The following CLK4 variants were observed in gnomAD, a reference collection of about 807,000 sequenced individuals.
The protein encoded by CLK4 is CDC like kinase 4, also known as dual specificity protein kinase CLK4.
Under a neutral mutation model 64.4 loss-of-function variants are expected in CLK4, and 37 were observed. The ratio of observed to expected loss-of-function variants is 0.57; its 90% confidence interval spans 0.44 to 0.76. The LOEUF is 0.76. CLK4 is among the 30% of genes least tolerant of loss of function. The pLI is 0.00. For synonymous variants in CLK4, 175 were observed against 191.6 expected (o/e 0.91, Z 0.72); for missense variants, 457 against 605.1 (o/e 0.76, Z 2.57).
In CLK4 at chr5:178,617,078, C is replaced by A; in HGVS notation, c.476-130G>T. On this transcript the variant is annotated intron_variant, in intron 4 of 12. Coordinates refer to ENST00000316308, the MANE Select transcript of CLK4 (RefSeq NM_020666.3). This position sits in a 1 kb window ranked among gnomAD's most constrained non-coding sequence, Gnocchi z 5.2. The stretch of plus-strand genomic sequence containing the variant: ...AAAGCATAACTAAGGTTTCAGCACT[C>A]AAATTATTTTAGTTTCAGCTGCTAC... 1.4e-6 allele frequency: 1 copy of A among 705,086 alleles called. No homozygotes were observed. The highest frequency in any genetic ancestry group is 1.8e-5 in the South Asian group (1 of 54,590). 43.7% of individuals were successfully genotyped at this position (705,086 alleles called of 1,614,324 possible).
At chr5:178,625,710 CAAAT>C (rs1764769712) in intron 1 of CLK4, among the ~76,000 whole-genome samples, 1 of 152,182 alleles carries the variant, frequency 6.6e-6, no homozygotes, top group South Asian at 2.1e-4. Context: ...ACAGAACTCT[CAAAT>C]TATCAGTTAA....
intron 1 of CLK4, among the ~76,000 whole-genome samples, chr5:178,624,354 C>G (rs1211951369): frequency 1.3e-5 from 2 of 152,284 alleles, no homozygotes; most frequent in East Asian, 3.9e-4. Flanking sequence ...TTTTCTCTAT[C>G]CAACAAGTTC....
Position 178,612,832 on chromosome 5 carries a change from C to G in CLK4, c.885G>C (p.Val295=). 1 of 1,580,388 alleles carries G rather than the reference C, an allele frequency of 6.3e-7. No homozygotes were observed. Among genetic ancestry groups the G allele is most frequent in the Non-Finnish European group, 8.7e-7 (1 of 1,151,242 alleles). Residue 295 remains valine, a synonymous_variant, in exon 8 of 13, where the codon GTG becomes GTC. Transcript: ENST00000316308. ...TATATTTGACTACATAGTCAGACTT[C>G]ACAAACAAAATATTTTCAGGCTTCA... ...TDLKPENILF[V]KSDYVVKYNS...
chr5:178,615,676 T>G (rs1011633178), intron 5 of CLK4, among the ~76,000 whole-genome samples: 4 of 152,218 alleles, frequency 2.6e-5, no homozygotes, highest in African/African-American at 9.6e-5. Context: ...TTTTATTTTT[T>G]AATATTAATA....
chr5:178,604,095 T>C (rs1429816686), intron 11 of CLK4, 161 bp from the exon 12 acceptor site: 2 of 511,520 alleles, frequency 3.9e-6, no homozygotes, highest in African/African-American at 3.9e-5. Context: ...CAATTATATA[T>C]CGGACACCTC....
At chr5:178,604,840 A>T (rs1288072114) in intron 11 of CLK4, 2 of 152,216 alleles carry the variant, frequency 1.3e-5, no homozygotes, top group African/African-American at 2.4e-5. Flanking sequence ...ATTAGTTTTT[A>T]AAAACATGGC....
chr5:178,618,508 TACACACAAATAAAACTCCA>T, intron 3 of CLK4, 29 bp downstream of exon 3: 1 of 1,263,310 alleles, frequency 7.9e-7, no homozygotes, highest in Non-Finnish European at 1.1e-6. Context: ...TCGTTAAGAG[TACACACAAATAAAACTCCA>T]CTCAAATTGA....
intron 2 of CLK4, among the ~76,000 whole-genome samples, chr5:178,621,462 A>AAT (rs1266729539): frequency 2.0e-5 from 3 of 152,202 alleles, no homozygotes; most frequent in African/African-American, 7.2e-5. Flanking sequence ...GACACTATGC[A>AAT]ATATATATAT....
chr5:178,608,156 T>A (rs939976662), intron 10 of CLK4, among the ~76,000 whole-genome samples: 1 of 152,226 alleles, frequency 6.6e-6, no homozygotes, highest in African/African-American at 2.4e-5. Flanking sequence ...ATATGAACCA[T>A]GTGTTACAAA....
intron 3 of CLK4, 76 bp downstream of exon 3, chr5:178,618,480 A>C: frequency 1.6e-6 from 1 of 616,932 alleles, no homozygotes; most frequent in South Asian, 4.0e-5. Context: ...ATATATAAAA[A>C]ATTAGAAACT....
chr5:178,609,454 G>A (rs1030900006), intron 9 of CLK4, among the ~76,000 whole-genome samples: 9 of 151,628 alleles, frequency 5.9e-5, no homozygotes, highest in East Asian at 1.9e-4. Context: ...AGGCCGAGGC[G>A]GGTGGATCAC....
intron 5 of CLK4, among the ~76,000 whole-genome samples, chr5:178,616,057 T>A (rs553362941): frequency 2.0e-5 from 3 of 152,328 alleles, no homozygotes; most frequent in Admixed American, 6.5e-5. Flanking sequence ...TTTCAATGAT[T>A]TCCCCCTGTT....
At chr5:178,623,746 G>A (rs1043555479) in intron 1 of CLK4, among the ~76,000 whole-genome samples, 5 of 151,356 alleles carry the variant, frequency 3.3e-5, no homozygotes, top group Non-Finnish European at 2.9e-5. Context: ...AAAAAAAGCC[G>A]GGGGGGGCAA....
chr5:178,618,492 A>G, intron 3 of CLK4, 64 bp downstream of exon 3: 2 of 813,488 alleles, frequency 2.5e-6, no homozygotes, highest in Non-Finnish European at 3.7e-6. Flanking sequence ...TTAGAAACTT[A>G]TCAGCTCGTT....
intron 2 of CLK4, chr5:178,619,790 GA>G: frequency 7.8e-7 from 1 of 1,288,916 alleles, no homozygotes; most frequent in Non-Finnish European, 1.0e-6. Flanking sequence ...CTGATGGAAA[GA>G]AAAGGACATA....
chr5:178,623,288 A>G lies in CLK4; in HGVS notation c.129T>C (p.Cys43=). Residue 43 remains cysteine, a synonymous_variant, in exon 2 of 13, where the codon TGT becomes TGC. Coordinates refer to ENST00000316308, the MANE Select transcript of CLK4 (RefSeq NM_020666.3). ...ATTCTTTAAACTGGTGATGTGGTTT[A>G]CAATGCCTGTTCTCTTGTGTGCTAC... ...SHSSTQENRH[C]KPHHQFKESD... 6.2e-7 allele frequency: 1 copy of G among 1,613,958 alleles called. No individual in the cohort carries two copies. The highest frequency in any genetic ancestry group is 8.5e-7 in the Non-Finnish European group (1 of 1,179,912).
intron 10 of CLK4, among the ~76,000 whole-genome samples, chr5:178,608,163 C>T (rs1764494213): frequency 3.9e-5 from 6 of 152,152 alleles, no homozygotes; most frequent in Admixed American, 3.3e-4. Flanking sequence ...CCATGTGTTA[C>T]AAACACTAAT....
At chr5:178,623,075 C>CT in intron 2 of CLK4, 181 bp downstream of exon 2, 1 of 591,388 alleles carries the variant, frequency 1.7e-6, no homozygotes, top group African/African-American at 1.9e-5. Context: ...AGGATAAGAA[C>CT]TTTGTTTTAT....
intron 11 of CLK4, chr5:178,604,171 T>C: frequency 3.4e-6 from 1 of 290,938 alleles, no homozygotes; most frequent in East Asian, 5.9e-5. Context: ...TGGAACAATG[T>C]CAGCTTAAAA....
Sources: gnomAD v4.1 joint callset for allele counts (sites outside exome capture counted in the v4.1 genomes callset) on GRCh38, gnomAD v4.1.1 for gene constraint, Gnocchi (gnomAD v3.1) non-coding constraint, MANE v1.5 for transcripts, NCBI Gene and HGNC (gene_info 2026-07-23, HGNC 2026-07-21) for gene names.